Variants in SCD5 observed in about 807,000 individuals in gnomAD.
The protein encoded by SCD5 is acyl-CoA-desaturase 4.
In SCD5, 20 loss-of-function variants were observed where a neutral mutation model predicts 30.4. That is an observed-to-expected ratio of 0.66 (90% confidence interval 0.46 to 0.96). SCD5 has a LOEUF of 0.96. Ranked by LOEUF, SCD5 falls within the 40% of genes least tolerant of loss-of-function variation. The pLI, the probability that SCD5 is intolerant of heterozygous loss-of-function variation, is 0.00. For synonymous variants in SCD5, 173 were observed against 176.4 expected, an observed-to-expected ratio of 0.98 and a Z score of 0.16; for missense variants, 381 against 443.3, an observed-to-expected ratio of 0.86 and a Z score of 1.26.
intron 1 of SCD5, among the ~76,000 whole-genome samples, chr4:82,753,143 T>C (rs182925106): frequency 1.2e-4 from 18 of 152,248 alleles, no homozygotes; most frequent in Admixed American, 7.2e-4. Context: ...AGATCCTATG[T>C]GATTCCTGTG....
chr4:82,649,814 T>C (rs1727708427), intron 3 of SCD5, among the ~76,000 whole-genome samples: 1 of 152,166 alleles, frequency 6.6e-6, no homozygotes, highest in Admixed American at 6.5e-5. Flanking sequence ...TGTTGAAACA[T>C]CCACATCTTT....
intron 1 of SCD5, among the ~76,000 whole-genome samples, chr4:82,711,320 T>C (rs1188510112): frequency 6.7e-6 from 1 of 148,830 alleles, no homozygotes. Context: ...GAGACATTAT[T>C]GGGTGTTGCA....
intron 2 of SCD5, among the ~76,000 whole-genome samples, chr4:82,686,926 T>A (rs1728720613): frequency 1.3e-5 from 2 of 152,010 alleles, no homozygotes; most frequent in Non-Finnish European, 2.9e-5. Flanking sequence ...ATCCTAGCAC[T>A]TTGGGAGGCC....
chr4:82,679,767 T>A (rs1728529266), intron 3 of SCD5, among the ~76,000 whole-genome samples: 1 of 152,122 alleles, frequency 6.6e-6, no homozygotes, highest in Admixed American at 6.6e-5. Context: ...AAGAGCACAG[T>A]CCTAAGCCAT....
At chr4:82,663,380 C>T (rs1728062346) in intron 3 of SCD5, among the ~76,000 whole-genome samples, 1 of 152,144 alleles carries the variant, frequency 6.6e-6, no homozygotes, top group Admixed American at 6.5e-5. Flanking sequence ...CTTTAGGGCC[C>T]CTAACTGGGT....
At chr4:82,728,504 T>G (rs1323417608) in intron 1 of SCD5, among the ~76,000 whole-genome samples, 3 of 152,142 alleles carry the variant, frequency 2.0e-5, no homozygotes, top group Non-Finnish European at 4.4e-5. Context: ...ACTTCCCCAA[T>G]TGCTCCTATA....
intron 1 of SCD5, among the ~76,000 whole-genome samples, chr4:82,773,931 A>C (rs1721683054): frequency 6.6e-6 from 1 of 152,118 alleles, no homozygotes; most frequent in Admixed American, 6.6e-5. Context: ...CTTACTAAAA[A>C]TACAAAAATT....
At chr4:82,690,889 A>G (rs1316167020) in intron 2 of SCD5, among the ~76,000 whole-genome samples, 1 of 152,256 alleles carries the variant, frequency 6.6e-6, no homozygotes, top group Non-Finnish European at 1.5e-5. Flanking sequence ...GGAGACAAAT[A>G]CTAAACATAA....
intron 3 of SCD5, among the ~76,000 whole-genome samples, chr4:82,662,061 A>C (rs1728022639): frequency 6.6e-6 from 1 of 152,100 alleles, no homozygotes; most frequent in Non-Finnish European, 1.5e-5. Flanking sequence ...TATGTTATTT[A>C]TTTATTTATG....
intron 1 of SCD5, among the ~76,000 whole-genome samples, chr4:82,776,582 C>T (rs1721748828): frequency 6.6e-6 from 1 of 152,132 alleles, no homozygotes; most frequent in Non-Finnish European, 1.5e-5. Context: ...CATGCAGATC[C>T]TCAACCTCCT....
intron 1 of SCD5, among the ~76,000 whole-genome samples, chr4:82,789,326 G>A (rs1033261337): frequency 6.6e-6 from 1 of 152,184 alleles, no homozygotes; most frequent in Non-Finnish European, 1.5e-5. Context: ...AGGGTAGGAG[G>A]GGAAGCAAAG....
intron 1 of SCD5, among the ~76,000 whole-genome samples, chr4:82,750,328 A>C (rs761131059): frequency 6.6e-6 from 1 of 152,202 alleles, no homozygotes; most frequent in Non-Finnish European, 1.5e-5. Context: ...GACTGAGAAC[A>C]AGGAGGAGCT....
chr4:82,631,750 C>T (rs1286557121), intron 4 of SCD5, among the ~76,000 whole-genome samples: 1 of 152,130 alleles, frequency 6.6e-6, no homozygotes, highest in Non-Finnish European at 1.5e-5. Context: ...ATGTGAACTG[C>T]AGACATGATA....
chr4:82,683,234 G>T (rs1057334067), intron 2 of SCD5, among the ~76,000 whole-genome samples: 3 of 152,208 alleles, frequency 2.0e-5, no homozygotes, highest in African/African-American at 7.2e-5. Context: ...AAACATGGTG[G>T]TTGGACAGAG....
At chr4:82,779,363 A>G (rs935094669) in intron 1 of SCD5, among the ~76,000 whole-genome samples, 3 of 152,222 alleles carry the variant, frequency 2.0e-5, no homozygotes, top group Admixed American at 1.3e-4. Flanking sequence ...TGCAGCCTCT[A>G]CCAGGTGAAA....
chr4:82,752,551 C>T (rs1200034785), intron 1 of SCD5, among the ~76,000 whole-genome samples: 3 of 152,102 alleles, frequency 2.0e-5, no homozygotes, highest in African/African-American at 7.2e-5. Context: ...AGAGATGGGG[C>T]TGAGGAGATG....
chr4:82,751,398 G>A (rs972279014), intron 1 of SCD5, among the ~76,000 whole-genome samples: 13 of 152,174 alleles, frequency 8.5e-5, no homozygotes, highest in African/African-American at 2.9e-4. Flanking sequence ...ACTTGCATTC[G>A]ACATTCATGG....
At chr4:82,743,587 C>T (rs1304178196) in intron 1 of SCD5, among the ~76,000 whole-genome samples, 2 of 152,058 alleles carry the variant, frequency 1.3e-5, no homozygotes, top group Admixed American at 1.3e-4. Flanking sequence ...GTCGTGCAAT[C>T]ACGGGCTCAC....
chr4:82,754,023 A>G (rs1721170315), intron 1 of SCD5, among the ~76,000 whole-genome samples: 1 of 152,124 alleles, frequency 6.6e-6, no homozygotes, highest in African/African-American at 2.4e-5. Context: ...CCACAAGATA[A>G]CGCAGTCTCT....
Sources: gnomAD v4.1 joint callset for allele counts (sites outside exome capture counted in the v4.1 genomes callset) on GRCh38, gnomAD v4.1.1 for gene constraint, MANE v1.5 for transcripts, NCBI Gene and HGNC (gene_info 2026-07-23, HGNC 2026-07-21) for gene names.